Variants in AHI1 observed in about 807,000 individuals in gnomAD.
The protein encoded by AHI1 is Abelson helper integration site 1, also known as jouberin.
A neutral mutation model predicts 149.3 loss-of-function variants in AHI1; 123 were observed. The ratio of observed to expected loss-of-function variants is 0.82; its 90% CI spans 0.71 to 0.96. The LOEUF is 0.96. AHI1 is among the 40% of genes least tolerant of loss of function. The probability of loss-of-function intolerance (pLI) is 0.00; values close to 1 mark genes in which losing one functional copy is unlikely to be tolerated. For missense variants in AHI1, 1,439 were observed against 1,422.7 expected (o/e 1.01, Z -0.18); for synonymous variants, 475 against 459.8 (o/e 1.03, Z -0.42).
At chr6:135,459,770 A>C (rs1007590452) in intron 8 of AHI1, among the ~76,000 whole-genome samples, 5 of 152,072 alleles carry the variant, frequency 3.3e-5, no homozygotes, top group African/African-American at 1.2e-4. Flanking sequence ...ATTGATAATA[A>C]AGAGATTAAA....
intron 26 of AHI1, among the ~76,000 whole-genome samples, chr6:135,315,715 A>G (rs552114616): frequency 1.3e-5 from 2 of 152,264 alleles, no homozygotes; most frequent in African/African-American, 4.8e-5. Context: ...AAATCTTTTT[A>G]TATGTCCTAA....
Position 135,319,590 on chromosome 6 carries a change from A to G in AHI1, c.3329-974T>C, listed in dbSNP as rs182921140. On this transcript the variant is annotated intron_variant, in intron 25 of 28. Transcript: ENST00000265602. The stretch of plus-strand genomic sequence containing the variant: ...TTGAATTTAAGATTCTTACAATCCA[A>G]TATTCTATATAATCTATTGAATCTA... Among the ~76,000 whole-genome samples the G allele has an allele frequency of 2.4e-4, 37 of 152,132 alleles. No homozygotes were observed. The East Asian group carries it at 3.8e-3, about 16-fold the overall frequency.
At chr6:135,332,620 C>A (rs1258505512) in intron 24 of AHI1, among the ~76,000 whole-genome samples, 2 of 152,318 alleles carry the variant, frequency 1.3e-5, no homozygotes, top group African/African-American at 4.8e-5. Context: ...ATTCACCTTC[C>A]AAGAAATTGG....
chr6:135,300,613 A>G (rs1202848447), intron 26 of AHI1, 55 bp from the exon 27 acceptor site: 2 of 1,559,640 alleles, frequency 1.3e-6, no homozygotes, highest in Non-Finnish European at 1.7e-6. Context: ...AAGACAACAC[A>G]GTCAATATTC....
chr6:135,369,714 T>G (rs941462530), intron 23 of AHI1, among the ~76,000 whole-genome samples: 3 of 152,236 alleles, frequency 2.0e-5, no homozygotes, highest in African/African-American at 7.2e-5. Flanking sequence ...TAATTTTTAT[T>G]GTTTTGCCCT....
intron 22 of AHI1, among the ~76,000 whole-genome samples, chr6:135,396,075 G>A (rs962649946): frequency 1.3e-5 from 2 of 151,604 alleles, no homozygotes; most frequent in Non-Finnish European, 3.0e-5. Context: ...TTCTCTTAGA[G>A]CAGAGTTAGC....
chr6:135,289,669 T>C (rs1345469006), intron 28 of AHI1, among the ~76,000 whole-genome samples: 1 of 152,128 alleles, frequency 6.6e-6, no homozygotes, highest in Non-Finnish European at 1.5e-5. Context: ...GGTATCAAGG[T>C]TAAAAATAAT....
At chr6:135,382,804 T>A (rs1380756118) in intron 23 of AHI1, among the ~76,000 whole-genome samples, 1 of 148,638 alleles carries the variant, frequency 6.7e-6, no homozygotes, top group African/African-American at 2.5e-5. Context: ...ATTTTTGTGA[T>A]ACAAGTGCTA....
At position 135,466,369 on chromosome 6, in the gene AHI1, T is replaced by G. The variant is rs764230638; in HGVS notation, c.194A>C (p.Asp65Ala). 1.1e-5 allele frequency: 18 copies of G among 1,612,270 alleles called. No individual in the cohort carries two copies. The highest frequency in any genetic ancestry group is 1.5e-5 in the Non-Finnish European group (18 of 1,179,210). The change falls in exon 7 of 29, where the codon GAC (aspartate) becomes GCC (alanine). Residue 65 changes from aspartate to alanine, a missense_variant. Physicochemically the swap from Asp to Ala is moderately radical, Grantham distance 126. Transcript: ENST00000265602. Reference protein sequence around the residue: ...YMKETTSDDPDTIRSNLPHIK... With the variant: ...YMKETTSDDPATIRSNLPHIK... Reference sequence around the variant, plus strand: ...ATGGGGAAGATTGCTTCTAATAGTGTCGGGCTAGGAAAAGAAGACATGATA... The same window carrying G: ...ATGGGGAAGATTGCTTCTAATAGTGGCGGGCTAGGAAAAGAAGACATGATA...
intron 8 of AHI1, among the ~76,000 whole-genome samples, chr6:135,460,952 A>G (rs1488721476): frequency 2.0e-5 from 3 of 152,200 alleles, no homozygotes; most frequent in Non-Finnish European, 4.4e-5. Context: ...ATGTGAAAGT[A>G]AAACAGAAAC....
chr6:135,466,447 A>C, intron 6 of AHI1, 74 bp from the exon 7 acceptor site: 3 of 1,270,234 alleles, frequency 2.4e-6, no homozygotes, highest in Non-Finnish European at 3.3e-6. Context: ...CCTAATAATT[A>C]ATATTTGACA....
At chr6:135,447,958 C>A (rs943286387) in intron 12 of AHI1, among the ~76,000 whole-genome samples, 4 of 152,190 alleles carry the variant, frequency 2.6e-5, no homozygotes, top group Admixed American at 1.3e-4. Context: ...GCAAAATTGA[C>A]TGAAACTACA....
At chr6:135,397,248 T>C (rs1779352879) in intron 22 of AHI1, among the ~76,000 whole-genome samples, 1 of 151,974 alleles carries the variant, frequency 6.6e-6, no homozygotes, top group African/African-American at 2.4e-5. Flanking sequence ...ATATTTATTA[T>C]TCCATTTAGA....
intron 25 of AHI1, among the ~76,000 whole-genome samples, chr6:135,322,031 G>A (rs1318620387): frequency 4.6e-5 from 7 of 152,304 alleles, no homozygotes; most frequent in Middle Eastern, 6.8e-3. Flanking sequence ...TCGAACTCCT[G>A]ACCTAAAGTG....
intron 23 of AHI1, among the ~76,000 whole-genome samples, chr6:135,387,205 G>A (rs1049713547): frequency 9.9e-5 from 15 of 152,084 alleles, no homozygotes; most frequent in African/African-American, 3.4e-4. Context: ...CTTAAGAGAG[G>A]AAAAACTACA....
At position 135,465,835 on chromosome 6, in the gene AHI1, A is replaced by G. The variant is rs1218779535; in HGVS notation, c.728T>C (p.Val243Ala). 1 of 1,479,850 alleles carries G rather than the reference A, an allele frequency of 6.8e-7. No homozygotes were observed. The highest frequency in any genetic ancestry group is 2.3e-5 in the East Asian group (1 of 42,708). The allele number at this position is 1,479,850 out of a possible 1,614,324, so 91.7% of individuals were successfully genotyped here. Residue 243 changes from valine (V) to alanine (A), a missense_variant, in exon 7 of 29, where the codon GTC becomes GCC. Coordinates refer to ENST00000265602, the MANE Select transcript of AHI1 (RefSeq NM_001134831.2). ...EKRKKKKEVP[V>A]FSKAETSTLT... is the part of the protein sequence containing the mutation. ...ATACCTTGTTTCAGCTTTAGAGAAG[A>G]CTGGAACTTCCTTTTTCTTTTTCCT... is the stretch of plus-strand genomic sequence containing the variant.
At chr6:135,379,924 CCTCCCTCCCCCAA>C (rs1776455127) in intron 23 of AHI1, among the ~76,000 whole-genome samples, 1 of 135,344 alleles carries the variant, frequency 7.4e-6, no homozygotes, top group South Asian at 2.9e-4. Context: ...TTCCTTCCTC[CCTCCCTCCCCCAA>C]CTCCCTCCCT....
At position 135,447,139 on chromosome 6, in the gene AHI1, T is replaced by C; in HGVS notation, c.1648A>G (p.Met550Val). ...PDCIKPSYRS[M>V]MALQEEKGKP... ...CCTTTTTCCTCCTGAAGAGCCATCATAGAGCGGTAAGATGGCTTTATCTAA... is the reference window on the plus strand; with the variant it reads ...CCTTTTTCCTCCTGAAGAGCCATCACAGAGCGGTAAGATGGCTTTATCTAA... Residue 550 changes from methionine to valine, a missense_variant, in exon 13 of 29, where the codon ATG becomes GTG. By Grantham distance (21) the Met-to-Val change is conservative (BLOSUM62 1). Coordinates refer to ENST00000265602, the MANE Select transcript of AHI1 (RefSeq NM_001134831.2). 3.8e-6 allele frequency: 6 copies of C among 1,590,760 alleles called. No individual in the cohort carries two copies. Among genetic ancestry groups the C allele is most frequent in the South Asian group, 1.2e-5 (1 of 84,636 alleles).
At chr6:135,468,808 G>A (rs1234574791) in intron 5 of AHI1, among the ~76,000 whole-genome samples, 1 of 152,152 alleles carries the variant, frequency 6.6e-6, no homozygotes, top group Non-Finnish European at 1.5e-5. Flanking sequence ...GGAAGAAGTT[G>A]AATCCCTGAA....
Sources: allele counts gnomAD v4.1 joint callset (sites outside exome capture counted in the v4.1 genomes callset), GRCh38; gene constraint gnomAD v4.1.1; transcripts MANE v1.5; gene names NCBI Gene and HGNC (gene_info 2026-07-23, HGNC 2026-07-21).